Variants in RBPJ observed in about 807,000 individuals in gnomAD.
RBPJ encodes recombining binding protein suppressor of hairless.
Under a neutral mutation model 67.8 loss-of-function variants are expected in RBPJ, and 9 were observed. The ratio of observed to expected loss-of-function variants is 0.13; its 90% CI spans 0.08 to 0.23. The LOEUF (loss-of-function observed/expected upper bound fraction) is 0.23. Ranked by LOEUF, RBPJ falls within the 10% of genes least tolerant of loss-of-function variation. The pLI, the probability that RBPJ is intolerant of heterozygous loss-of-function variation, is 1.00. For synonymous variants in RBPJ, 198 were observed against 203.3 expected (o/e 0.97, Z 0.22); for missense variants, 305 against 595.6 (o/e 0.51, Z 5.08).
chr4:26,291,201 G>A, intron 1 of RBPJ, among the ~76,000 whole-genome samples: 1 of 150,980 alleles, frequency 6.6e-6, no homozygotes, highest in East Asian at 2.0e-4. Context: ...GCCACTTGTT[G>A]GAATGACTAG....
intron 1 of RBPJ, among the ~76,000 whole-genome samples, chr4:26,363,827 G>A (rs771880979): frequency 1.1e-4 from 16 of 152,178 alleles, no homozygotes; most frequent in Non-Finnish European, 1.6e-4. Context: ...GTGGTATATA[G>A]TTTTGCTGTT....
chr4:26,262,919 G>A (rs1577368891), intron 1 of RBPJ, among the ~76,000 whole-genome samples: 1 of 152,104 alleles, frequency 6.6e-6, no homozygotes, highest in Non-Finnish European at 1.5e-5. Context: ...AATCCTGAAT[G>A]TTACCATTCA....
the RBPJ span, among the ~76,000 whole-genome samples, chr4:26,121,362 A>G: frequency 2.6e-3 from 390 of 152,290 alleles, no homozygotes; most frequent in Middle Eastern, 0.017. Flanking sequence ...TGCCCAAATA[A>G]TTAAAACCCT....
At chr4:26,180,088 T>C (rs1467302035) in intron 1 of RBPJ, among the ~76,000 whole-genome samples, 1 of 152,070 alleles carries the variant, frequency 6.6e-6, no homozygotes, top group African/African-American at 2.4e-5. Flanking sequence ...AACCAAATAC[T>C]GCGTGTTCTG....
the RBPJ span, among the ~76,000 whole-genome samples, chr4:26,133,630 G>A: frequency 1.3e-5 from 2 of 152,174 alleles, no homozygotes; most frequent in Non-Finnish European, 2.9e-5. Flanking sequence ...ATAGGAGCGT[G>A]AACCCTATAG....
At chr4:26,204,208 A>C (rs1292502327) in intron 1 of RBPJ, among the ~76,000 whole-genome samples, 1 of 152,128 alleles carries the variant, frequency 6.6e-6, no homozygotes, top group African/African-American at 2.4e-5. Context: ...TTGGCCTCCC[A>C]AAACACTGGG....
At chr4:26,185,395 C>G (rs1717206085) in intron 1 of RBPJ, among the ~76,000 whole-genome samples, 1 of 152,078 alleles carries the variant, frequency 6.6e-6, no homozygotes, top group African/African-American at 2.4e-5. Flanking sequence ...CTCCTCAACA[C>G]CACGGTCAGG....
At chr4:26,234,083 C>T (rs184615171) in intron 1 of RBPJ, among the ~76,000 whole-genome samples, 225 of 152,178 alleles carry the variant, frequency 1.5e-3, no homozygotes, top group Non-Finnish European at 2.1e-3. Context: ...GGAGAAGCCA[C>T]GACTTTTGCA....
At position 26,241,677 on chromosome 4, in the gene RBPJ, AT is replaced by A. The variant is rs569977558; in HGVS notation, c.-167+78070del. 5.7e-3 allele frequency among the ~76,000 whole-genome samples: 862 copies of A among 150,998 alleles called. 8 individuals are homozygous for A. The highest frequency in any genetic ancestry group is 0.02 in the African/African-American group (820 of 41,072). On this transcript the variant is annotated intron_variant, in intron 1 of 4. Transcript: ENST00000512351. ...CAGGCATGCCCCACCACACCCATTT[AT>A]TTTTTTCTATTTTAGTAGAGGCAGG...
chr4:26,238,040 A>G (rs932831340), intron 1 of RBPJ, among the ~76,000 whole-genome samples: 1 of 152,056 alleles, frequency 6.6e-6, no homozygotes, highest in African/African-American at 2.4e-5. Flanking sequence ...TTTGATCCTG[A>G]CCAAAAATTT....
At chr4:26,189,019 CTG>C (rs1234659174) in intron 1 of RBPJ, among the ~76,000 whole-genome samples, 1 of 152,086 alleles carries the variant, frequency 6.6e-6, no homozygotes, top group Non-Finnish European at 1.5e-5. Context: ...TTTCCTTAAG[CTG>C]TGTGTGTGAC....
upstream of RBPJ, among the ~76,000 whole-genome samples, chr4:26,314,916 G>A (rs970459810): frequency 2.0e-5 from 3 of 151,750 alleles, no homozygotes; most frequent in Admixed American, 2.0e-4. Flanking sequence ...GGAGGCTGAG[G>A]TGGGCAGACC....
chr4:26,424,694 A>G lies in RBPJ; in HGVS notation c.698A>G (p.Gln233Arg). ...CGAGATGGCTACATCCATTATGGAC[A>G]AACAGTCAAACTTGTGTGCTCAGTT... ...TVRDGYIHYGQTVKLVCSVTG... is the reference protein window; with the variant it reads ...TVRDGYIHYGRTVKLVCSVTG... The change falls in exon 7 of 11, where the codon CAA (glutamine) becomes CGA (arginine). Residue 233 changes from glutamine to arginine, a missense_variant. Transcript: ENST00000355476. This position sits in a 1 kb window ranked among gnomAD's most constrained non-coding sequence, Gnocchi z 5.3. 1.2e-6 allele frequency: 2 copies of G among 1,613,938 alleles called. No individual in the cohort carries two copies. The highest frequency in any genetic ancestry group is 1.7e-6 in the Non-Finnish European group (2 of 1,179,830).
intron 1 of RBPJ, among the ~76,000 whole-genome samples, chr4:26,364,129 G>A (rs892650247): frequency 5.9e-5 from 9 of 152,152 alleles, no homozygotes; most frequent in Admixed American, 6.5e-5. Flanking sequence ...TAAATCATGG[G>A]TAGATAAGTG....
At chr4:26,324,101 C>A (rs1224218256) in intron 1 of RBPJ, among the ~76,000 whole-genome samples, 1 of 152,170 alleles carries the variant, frequency 6.6e-6, no homozygotes, top group Admixed American at 6.5e-5. Flanking sequence ...TAACTTGCCA[C>A]ATCTGCACAG....
the RBPJ span, among the ~76,000 whole-genome samples, chr4:26,127,887 G>A: frequency 6.6e-6 from 1 of 152,170 alleles, no homozygotes; most frequent in Non-Finnish European, 1.5e-5. Context: ...AGGCATTTTT[G>A]GCAGCTGCTC....
In RBPJ at chr4:26,210,720, T is replaced by TTTCTTTCC. The variant is rs1560212074; in HGVS notation, c.-167+47113_-167+47120dup. Among the ~76,000 whole-genome samples, 13 of 70,932 alleles carry TTTCTTTCC rather than the reference T, an allele frequency of 1.8e-4. No individual in the cohort carries two copies. In the East Asian group the frequency reaches 2.3e-3, roughly 13 times the overall value. The allele number at this position is 70,932 out of a possible 152,430, so 46.5% of individuals were successfully genotyped here. The stretch of plus-strand genomic sequence containing the variant: ...CTTTCTTTCTTTCCTTCTTTCCTTC[T>TTTCTTTCC]TTCTTTCCTTCTTTACTTCTTTCCT... On this transcript the variant is annotated intron_variant, in intron 1 of 4. Transcript: ENST00000512351.
intron 1 of RBPJ, chr4:26,163,649 G>A (rs915226075): frequency 6.6e-6 from 1 of 152,184 alleles, no homozygotes; most frequent in African/African-American, 2.4e-5. Flanking sequence ...TTTATGTTAT[G>A]TTGCCCATAA....
At position 26,430,271 on chromosome 4, in the gene RBPJ, G is replaced by A; in HGVS notation, c.1045-148G>A. The A allele has an allele frequency of 2.4e-6, 2 of 848,196 alleles. No individual in the cohort carries two copies. The highest frequency in any genetic ancestry group is 1.7e-5 in the South Asian group (1 of 60,344). 52.5% of individuals were successfully genotyped at this position (848,196 alleles called of 1,614,324 possible). A position where few individuals can be genotyped will look rare whatever the true frequency, so the allele number is the denominator to read the frequency against. On this transcript the variant is annotated intron_variant, in intron 9 of 10. Transcript: ENST00000355476. This position sits in a 1 kb window ranked among gnomAD's most constrained non-coding sequence, Gnocchi z 4.1. ...TGTAAATAAACTTGTATGTTATCTT[G>A]AAATGTTTTTAGCTAGCTTTGTAAT...
Sources: allele counts gnomAD v4.1 joint callset (sites outside exome capture counted in the v4.1 genomes callset), GRCh38; gene constraint gnomAD v4.1.1; non-coding constraint Gnocchi (gnomAD v3.1); transcripts MANE v1.5; gene names NCBI Gene and HGNC (gene_info 2026-07-23, HGNC 2026-07-21).